Variants in UTP20 observed in about 807,000 individuals in gnomAD.
UTP20 encodes the protein UTP20 small subunit processome component, also known as small subunit processome component 20 homolog.
A neutral mutation model predicts 329.5 loss-of-function variants in UTP20; 164 were observed. That is an observed-to-expected ratio of 0.50 (90% CI 0.44 to 0.57). UTP20 has a LOEUF of 0.57. Ranked by LOEUF, UTP20 falls within the 20% of genes least tolerant of loss-of-function variation. The probability of loss-of-function intolerance (pLI) is 0.00; values close to 1 mark genes in which losing one functional copy is unlikely to be tolerated. For synonymous variants in UTP20, 1,151 were observed against 1,159.3 expected, an observed-to-expected ratio of 0.99 and a Z score of 0.14; for missense variants, 3,055 against 3,284.2, an observed-to-expected ratio of 0.93 and a Z score of 1.71.
intron 43 of UTP20, among the ~76,000 whole-genome samples, 192 bp downstream of exon 43, chr12:101,357,274 T>C (rs1488385161): frequency 1.3e-5 from 2 of 152,212 alleles, no homozygotes; most frequent in African/African-American, 4.8e-5. Flanking sequence ...ATCTGATTTT[T>C]AAAAGATCCT....
intron 44 of UTP20, among the ~76,000 whole-genome samples, chr12:101,363,117 A>T (rs1325210026): frequency 9.7e-6 from 1 of 102,704 alleles, no homozygotes; most frequent in Non-Finnish European, 1.5e-5. Flanking sequence ...TGGGTGCCAG[A>T]GTGGGACTCT....
chr12:101,288,925 A>G, intron 5 of UTP20, 35 bp from the exon 6 acceptor site: 2 of 1,549,674 alleles, frequency 1.3e-6, no homozygotes, highest in Non-Finnish European at 1.8e-6. Flanking sequence ...CAATTATATG[A>G]TTAATGAAAT....
At chr12:101,352,901 A>G (rs1211784792) in intron 39 of UTP20, 146 bp from the exon 40 acceptor site, 9 of 361,660 alleles carry the variant, frequency 2.5e-5, no homozygotes, top group Non-Finnish European at 9.9e-6. Context: ...ATCTTGTATT[A>G]ATAAGGTTAT....
rs777569653 is a variant in UTP20, at chr12:101,290,326, A to T, written c.735+52A>T. 1.0e-5 allele frequency: 16 copies of T among 1,534,106 alleles called. No homozygotes were observed. In the South Asian group the frequency reaches 2.1e-4, roughly 21 times the overall value. On this transcript the variant is annotated intron_variant, in intron 7 of 61. Coordinates refer to ENST00000261637, the MANE Select transcript of UTP20 (RefSeq NM_014503.3). ...GTCTATGTGGATGGATGAAACAGAA[A>T]GTAGAAAAGAATGAGGCAAATGATG...
intron 5 of UTP20, among the ~76,000 whole-genome samples, chr12:101,288,567 A>G (rs891776950): frequency 6.6e-6 from 1 of 152,190 alleles, no homozygotes; most frequent in Admixed American, 6.5e-5. Flanking sequence ...CCTCTACTGT[A>G]TCATCTTTCC....
chr12:101,313,732 G>A (rs1016875234), intron 21 of UTP20, among the ~76,000 whole-genome samples: 1 of 151,766 alleles, frequency 6.6e-6, no homozygotes, highest in African/African-American at 2.4e-5. Context: ...TGGGGAGTGG[G>A]ACAGGAAGGA....
chr12:101,360,270 T>C (rs1353049990), intron 43 of UTP20, among the ~76,000 whole-genome samples: 2 of 152,148 alleles, frequency 1.3e-5, no homozygotes, highest in Admixed American at 6.5e-5. Context: ...GGCACAGTGG[T>C]GTGTACCTTT....
rs1456847915 is a variant in UTP20, at chr12:101,381,140, A to G, written c.7585A>G (p.Met2529Val). The G allele has an allele frequency of 7.4e-6, 12 of 1,612,462 alleles. No homozygotes were observed. Among genetic ancestry groups the G allele is most frequent in the Non-Finnish European group, 1.0e-5 (12 of 1,178,458 alleles). The stretch of plus-strand genomic sequence containing the variant: ...ACCAATGTCCATTTTCTTTTCACAG[A>G]TGAAAAGTATCTCTCTCGCCTCTTG... Reference protein sequence around the residue: ...KFLASDLDQKMKSISLASCHQ... With the variant: ...KFLASDLDQKVKSISLASCHQ... Residue 2529 changes from methionine (M) to valine (V), a missense_variant and splice_region_variant, in exon 58 of 62, where the codon ATG (methionine) becomes GTG (valine). Met to Val is a conservative substitution (Grantham distance 21). Transcript: ENST00000261637.
Position 101,342,851 on chromosome 12 carries a change from G to T in UTP20, c.4296+14G>T. 6.2e-7 allele frequency: 1 copy of T among 1,612,204 alleles called. No homozygotes were observed. The highest frequency in any genetic ancestry group is 8.5e-7 in the Non-Finnish European group (1 of 1,179,324). On this transcript the variant is annotated intron_variant, in intron 34 of 61. Coordinates refer to ENST00000261637, the MANE Select transcript of UTP20 (RefSeq NM_014503.3). ...GATGTTGTCAAGGTAAGAAAGAAGG[G>T]TTTCTCTTTGGCTTCAAAAGTATTA...
In UTP20 at chr12:101,345,688, C is replaced by G. The variant is rs534543110; in HGVS notation, c.4740C>G (p.His1580Gln). The change falls in exon 37 of 62, where the codon CAC (histidine) becomes CAG (glutamine). Residue 1580 changes from histidine (H) to glutamine (Q), a missense_variant. This residue lies in a region of UTP20 where 2,445 missense variants were observed against 2,575.5 expected (regional missense o/e 0.95). Coordinates refer to ENST00000261637, the MANE Select transcript of UTP20 (RefSeq NM_014503.3). ...TGGACTTCTTTGAGAACATGAAGCA[C>G]ATTCAGGTAGAAGACAATTCTGCTT... ...PEMDFFENMK[H>Q]IQIHRRARAL... The G allele has an allele frequency of 6.2e-7, 1 of 1,608,622 alleles. No individual in the cohort carries two copies. Among genetic ancestry groups the G allele is most frequent in the Admixed American group, 1.7e-5 (1 of 58,336 alleles).
chr12:101,362,609 C>T (rs1869965585), intron 44 of UTP20, among the ~76,000 whole-genome samples: 1 of 130,232 alleles, frequency 7.7e-6, no homozygotes, highest in South Asian at 2.3e-4. Flanking sequence ...GAGGCTGAAG[C>T]AGGAAAATCC....
In UTP20 at chr12:101,375,725, C is replaced by A; in HGVS notation, c.7365C>A (p.Thr2455=). 6.3e-7 allele frequency: 1 copy of A among 1,592,374 alleles called. No homozygotes were observed. The highest frequency in any genetic ancestry group is 8.6e-7 in the Non-Finnish European group (1 of 1,163,868). ...LIKECNIIQF[T]KPAETLSKIW... is the part of the protein sequence containing the mutation. ...AGGAATGTAATATTATTCAGTTTAC[C>A]AAACCCGCTGAGACTTTGAGTAAAA... The change falls in exon 56 of 62, where the codon ACC becomes ACA. Residue 2455 remains threonine, a synonymous_variant. Coordinates refer to ENST00000261637, the MANE Select transcript of UTP20 (RefSeq NM_014503.3).
intron 38 of UTP20, among the ~76,000 whole-genome samples, chr12:101,350,711 G>A (rs144097396): frequency 4.1e-4 from 63 of 152,232 alleles, no homozygotes; most frequent in African/African-American, 1.5e-3. Context: ...GTAGCATGAG[G>A]CATTTCACTC....
chr12:101,367,125 A>T (rs905273328), intron 47 of UTP20, among the ~76,000 whole-genome samples: 26 of 151,818 alleles, frequency 1.7e-4, no homozygotes, highest in South Asian at 4.2e-4. Flanking sequence ...ACAAAAAAAA[A>T]TTTTTTTTAA....
chr12:101,325,261 T>C (rs1868515498), intron 25 of UTP20, among the ~76,000 whole-genome samples: 1 of 152,224 alleles, frequency 6.6e-6, no homozygotes, highest in African/African-American at 2.4e-5. Context: ...TTGCACTTGC[T>C]CATCCCTCTG....
rs1342855511 is a variant in UTP20 at position 101,343,093 on chromosome 12, G to T, written c.4449G>T (p.Glu1483Asp). 1 of 1,594,158 alleles carries T rather than the reference G, an allele frequency of 6.3e-7. No individual in the cohort carries two copies. ...PVMHNCFYNL[E>D]LGDMSLSDNA... ...TGCATAATTGTTTCTATAATCTAGA[G>T]GTAGGTTATTATAGCAAAATTTTTA... The change falls in exon 35 of 62, where the codon GAG (glutamate) becomes GAT (aspartate). Residue 1483 changes from glutamate (E) to aspartate (D), a missense_variant and splice_region_variant. By Grantham distance (45) the Glu-to-Asp change is conservative. Coordinates refer to ENST00000261637, the MANE Select transcript of UTP20 (RefSeq NM_014503.3).
chr12:101,368,662 C>G (rs897555879), intron 48 of UTP20, among the ~76,000 whole-genome samples: 2 of 152,156 alleles, frequency 1.3e-5, no homozygotes, highest in African/African-American at 4.8e-5. Flanking sequence ...TATTACTGCT[C>G]CATGCTATGA....
intron 19 of UTP20, among the ~76,000 whole-genome samples, chr12:101,310,048 CGT>C (rs1338673326): frequency 1.3e-5 from 2 of 152,130 alleles, no homozygotes. Context: ...CAATATTATA[CGT>C]GTGTCTCTTT....
Position 101,338,954 on chromosome 12 carries a change from C to G in UTP20, c.4010C>G (p.Ser1337Ter). Residue 1337 changes from serine (S) to a stop codon, truncating the protein, a stop_gained, in exon 31 of 62, where the codon TCA becomes TGA. Transcript: ENST00000261637. LOFTEE classifies it high-confidence loss of function. ...AQVSKELGIL[S>*]KISKFMKDKE... ...GTCAGTAAAGAGCTTGGCATTCTTT[C>G]AAAGTAAGTGATATGTTGATACTTA... 6.3e-7 allele frequency: 1 copy of G among 1,589,496 alleles called. No individual in the cohort carries two copies. The highest frequency in any genetic ancestry group is 8.5e-7 in the Non-Finnish European group (1 of 1,173,782).
Sources: gnomAD v4.1 joint callset for allele counts (sites outside exome capture counted in the v4.1 genomes callset) on GRCh38, gnomAD v4.1.1 for gene constraint, gnomAD v4.1.1 regional missense constraint, MANE v1.5 for transcripts, NCBI Gene and HGNC (gene_info 2026-07-23, HGNC 2026-07-21) for gene names.